FAT3: variants seen among roughly 807,000 people sequenced by gnomAD.
FAT3 encodes protocadherin Fat 3.
A neutral mutation model predicts 310.2 loss-of-function variants in FAT3; 95 were observed. The observed-to-expected ratio is 0.31, with a 90% confidence interval of 0.26 to 0.36. The LOEUF (loss-of-function observed/expected upper bound fraction) is 0.36. FAT3 is among the 10% of genes least tolerant of loss of function. The probability of loss-of-function intolerance (pLI) is 1.00; values close to 1 mark genes in which losing one functional copy is unlikely to be tolerated. For synonymous variants in FAT3, 2,314 were observed against 2,192.9 expected (o/e 1.06, Z -1.54); for missense variants, 5,408 against 5,715.6 (o/e 0.95, Z 1.74).
chr11:92,847,201 T>C (rs1274102888), intron 19 of FAT3, among the ~76,000 whole-genome samples: 1 of 152,226 alleles, frequency 6.6e-6, no homozygotes, highest in East Asian at 1.9e-4. Context: ...ATGTATACAG[T>C]GGTAGTCCCA....
chr11:92,429,393 T>A (rs1011016136), intron 2 of FAT3, among the ~76,000 whole-genome samples: 2 of 152,160 alleles, frequency 1.3e-5, no homozygotes, highest in Non-Finnish European at 2.9e-5. Context: ...GAGGTTAAGA[T>A]TGTTATGTGT....
rs181814769 is a variant in FAT3 at position 92,502,113 on chromosome 11, A to C, written c.3293-22521A>C. Among the ~76,000 whole-genome samples, 600 of 152,228 alleles carry C rather than the reference A, an allele frequency of 3.9e-3. 3 individuals carry two copies. The highest frequency in any genetic ancestry group is 6.6e-3 in the Non-Finnish European group (448 of 67,998). On this transcript the variant is annotated intron_variant, in intron 2 of 27. Coordinates refer to ENST00000525166, the MANE Select transcript of FAT3 (RefSeq NM_001367949.2). ...TGTGAAAGAATTAAAAATTGAAGTG[A>C]CCTGTCTAGTTTGGAAAGCTGGGCC...
chr11:92,407,143 A>C lies in FAT3; in HGVS notation c.3292+51739A>C, dbSNP rs553917623. Among the ~76,000 whole-genome samples, 45 of 152,310 alleles carry C rather than the reference A, an allele frequency of 3.0e-4. No individual in the cohort carries two copies. In the South Asian group the frequency reaches 8.7e-3, roughly 29 times the overall value. Reference sequence around the variant, plus strand: ...AGCCAGGTGATTTTATTAGATAGGAAAATTCTTTAAGGAGGTACTACAAGA... The same window carrying C: ...AGCCAGGTGATTTTATTAGATAGGACAATTCTTTAAGGAGGTACTACAAGA... On this transcript the variant is annotated intron_variant, in intron 2 of 27. Transcript: ENST00000525166.
At chr11:92,754,057 C>G (rs1036336956) in intron 4 of FAT3, among the ~76,000 whole-genome samples, 2 of 151,678 alleles carry the variant, frequency 1.3e-5, no homozygotes, top group Non-Finnish European at 2.9e-5. Context: ...GAGGGGTGCA[C>G]CAACATCCCA....
At chr11:92,367,117 A>G (rs917288945) in intron 2 of FAT3, 3 of 436,446 alleles carry the variant, frequency 6.9e-6, no homozygotes, top group Admixed American at 2.3e-5. Flanking sequence ...AGCGTCTCCC[A>G]GTGCCTGCCT....
chr11:92,337,919 C>T (rs559988107), intron 1 of FAT3, among the ~76,000 whole-genome samples: 2 of 152,232 alleles, frequency 1.3e-5, no homozygotes, highest in Middle Eastern at 3.4e-3. Context: ...GGCTGAATGA[C>T]ATTTGTTCAT....
At chr11:92,712,969 C>G (rs921533832) in intron 4 of FAT3, among the ~76,000 whole-genome samples, 4 of 152,194 alleles carry the variant, frequency 2.6e-5, no homozygotes, top group South Asian at 2.1e-4. Context: ...TTCCAAAGCC[C>G]AGCCCCAGCT....
At chr11:92,315,514 G>T (rs12576913) in intron 1 of FAT3, among the ~76,000 whole-genome samples, 5,421 of 57,038 alleles carry the variant, frequency 0.095, 52 homozygotes, top group Non-Finnish European at 0.13. Flanking sequence ...TATATATATA[G>T]AGAGAGAGAG....
chr11:92,332,199 C>T (rs1947939974), intron 1 of FAT3, among the ~76,000 whole-genome samples: 1 of 152,316 alleles, frequency 6.6e-6, no homozygotes, highest in South Asian at 2.1e-4. Flanking sequence ...TATACTGGGT[C>T]ACTGATTCTT....
chr11:92,557,003 A>G (rs1955044258), intron 3 of FAT3, among the ~76,000 whole-genome samples: 1 of 152,048 alleles, frequency 6.6e-6, no homozygotes, highest in Non-Finnish European at 1.5e-5. Flanking sequence ...CAACTCATTC[A>G]TATCTTGTTT....
intron 22 of FAT3, among the ~76,000 whole-genome samples, chr11:92,880,281 T>G (rs1026200682): frequency 6.7e-6 from 1 of 148,784 alleles, no homozygotes; most frequent in African/African-American, 2.5e-5. Flanking sequence ...ATTCCCTCTC[T>G]GGGTGGGATT....
At chr11:92,767,355 C>T (rs1469211323) in intron 6 of FAT3, among the ~76,000 whole-genome samples, 2 of 151,968 alleles carry the variant, frequency 1.3e-5, no homozygotes, top group Non-Finnish European at 2.9e-5. Flanking sequence ...CCTTTCTCAT[C>T]AGCCACTGAT....
chr11:92,776,638 G>C (rs1292661618), intron 7 of FAT3, among the ~76,000 whole-genome samples: 1 of 152,114 alleles, frequency 6.6e-6, no homozygotes, highest in African/African-American at 2.4e-5. Context: ...ATACAGTTAG[G>C]CTTATCTCCA....
chr11:92,626,520 A>T (rs1941344207), intron 3 of FAT3, among the ~76,000 whole-genome samples: 1 of 150,100 alleles, frequency 6.7e-6, no homozygotes, highest in African/African-American at 2.5e-5. Context: ...TTTCTTAGTG[A>T]GTTCATTTAT....
intron 19 of FAT3, among the ~76,000 whole-genome samples, chr11:92,856,548 C>T (rs1462510956): frequency 6.6e-6 from 1 of 152,190 alleles, no homozygotes; most frequent in African/African-American, 2.4e-5. Flanking sequence ...AACCTTTCAT[C>T]TTACTGTGCT....
rs1948363085 is a variant in FAT3 at position 92,834,949 on chromosome 11, C to T, written c.9951C>T (p.Gly3317=). Reference sequence around the variant, plus strand: ...TGGTAGTGGAAGCCAAAGATGGGGGCACCCCAGCTCTCAGCGCTGTGGCCA... The same window carrying T: ...TGGTAGTGGAAGCCAAAGATGGGGGTACCCCAGCTCTCAGCGCTGTGGCCA... ...FYLVVEAKDG[G]TPALSAVATV... is the part of the protein sequence containing the mutation. The change falls in exon 15 of 28, where the codon GGC becomes GGT. Residue 3317 remains glycine (G), a synonymous_variant. Coordinates refer to ENST00000525166, the MANE Select transcript of FAT3 (RefSeq NM_001367949.2). 1 of 1,612,944 alleles carries T rather than the reference C, an allele frequency of 6.2e-7. No individual in the cohort carries two copies. Among genetic ancestry groups the T allele is most frequent in the Admixed American group, 1.7e-5 (1 of 59,890 alleles).
chr11:92,684,974 C>A (rs904108804), intron 3 of FAT3, among the ~76,000 whole-genome samples: 3 of 152,194 alleles, frequency 2.0e-5, no homozygotes, highest in African/African-American at 7.2e-5. Flanking sequence ...AAACTCCAGC[C>A]AGGGAGTGTG....
chr11:92,714,353 T>G (rs1182106008), intron 4 of FAT3, among the ~76,000 whole-genome samples: 2 of 152,106 alleles, frequency 1.3e-5, no homozygotes, highest in Non-Finnish European at 2.9e-5. Flanking sequence ...CAGTAGCACA[T>G]TTTTGGAGCA....
intron 1 of FAT3, among the ~76,000 whole-genome samples, chr11:92,305,446 A>T (rs910162328): frequency 6.6e-6 from 1 of 152,162 alleles, no homozygotes; most frequent in Non-Finnish European, 1.5e-5. Flanking sequence ...TGAAAATAGT[A>T]GGTGAAAAGT....
Sources: gnomAD v4.1 joint callset for allele counts (sites outside exome capture counted in the v4.1 genomes callset) on GRCh38, gnomAD v4.1.1 for gene constraint, MANE v1.5 for transcripts, NCBI Gene and HGNC (gene_info 2026-07-23, HGNC 2026-07-21) for gene names.